The following PRKG1 variants were observed in gnomAD, a reference collection of about 807,000 sequenced individuals.
PRKG1 encodes the protein cGMP-dependent protein kinase 1.
Under a neutral mutation model 88.1 loss-of-function variants are expected in PRKG1, and 35 were observed. The ratio of observed to expected loss-of-function variants is 0.40; its 90% confidence interval spans 0.30 to 0.53. PRKG1 has a LOEUF of 0.53. PRKG1 is among the 20% of genes least tolerant of loss of function. The pLI, the probability that PRKG1 is intolerant of heterozygous loss-of-function variation, is 0.59. For synonymous variants in PRKG1, 303 were observed against 292.5 expected, an observed-to-expected ratio of 1.04 and a Z score of -0.37; for missense variants, 540 against 839.8, an observed-to-expected ratio of 0.64 and a Z score of 4.41.
At chr10:51,201,202 T>C (rs1256965564) in intron 2 of PRKG1, among the ~76,000 whole-genome samples, 1 of 152,210 alleles carries the variant, frequency 6.6e-6, no homozygotes, top group African/African-American at 2.4e-5. Context: ...GGCTCATGCC[T>C]GTAATCCCAG....
intron 4 of PRKG1, among the ~76,000 whole-genome samples, chr10:51,819,363 C>A (rs370489321): frequency 2.6e-5 from 4 of 152,138 alleles, no homozygotes; most frequent in Admixed American, 6.5e-5. Flanking sequence ...ACTCCCATAA[C>A]CCAAATACCT....
chr10:52,118,996 G>T (rs1847753202), intron 7 of PRKG1, among the ~76,000 whole-genome samples: 1 of 151,414 alleles, frequency 6.6e-6, no homozygotes, highest in African/African-American at 2.4e-5. Context: ...ACATTTTCTT[G>T]ACTTTTTATT....
Position 52,282,325 on chromosome 10 carries a change from A to G in PRKG1, c.1709+9A>G. 6.3e-7 allele frequency: 1 copy of G among 1,580,374 alleles called. No individual in the cohort carries two copies. The highest frequency in any genetic ancestry group is 8.6e-7 in the Non-Finnish European group (1 of 1,160,604). On this transcript the variant is annotated intron_variant, in intron 14 of 17. Coordinates refer to ENST00000373980, the MANE Select transcript of PRKG1 (RefSeq NM_006258.4). The stretch of plus-strand genomic sequence containing the variant: ...GAACTCCTGACTGGCAGGTATGGAT[A>G]TTGATAGGGAACTGCTGATAAAAAT...
At chr10:51,466,932 C>A (rs1839921777) in intron 2 of PRKG1, among the ~76,000 whole-genome samples, 1 of 151,948 alleles carries the variant, frequency 6.6e-6, no homozygotes, top group Non-Finnish European at 1.5e-5. Flanking sequence ...ATTGTGTTGC[C>A]TTTTTATTTC....
intron 2 of PRKG1, among the ~76,000 whole-genome samples, chr10:51,360,294 T>A (rs532579017): frequency 1.3e-5 from 2 of 152,016 alleles, no homozygotes; most frequent in East Asian, 3.9e-4. Flanking sequence ...GCCTTCTGTG[T>A]TTATGACCTT....
intron 2 of PRKG1, among the ~76,000 whole-genome samples, chr10:51,289,554 T>A (rs1564431415): frequency 6.6e-6 from 1 of 152,082 alleles, no homozygotes; most frequent in Admixed American, 6.6e-5. Flanking sequence ...GAGATTGTAC[T>A]AGATGTATCA....
At chr10:51,434,905 T>G (rs928274619) in intron 2 of PRKG1, among the ~76,000 whole-genome samples, 19 of 152,116 alleles carry the variant, frequency 1.2e-4, no homozygotes, top group Non-Finnish European at 2.2e-4. Context: ...CTTATTTCCT[T>G]ACATGTAATA....
At chr10:51,201,657 G>T (rs1290303165) in intron 2 of PRKG1, among the ~76,000 whole-genome samples, 2 of 152,130 alleles carry the variant, frequency 1.3e-5, no homozygotes, top group African/African-American at 4.8e-5. Context: ...TGGGTCATGG[G>T]AGTGGAGCCC....
Position 51,876,603 on chromosome 10 carries a change from C to T in PRKG1, c.699-30904C>T, listed in dbSNP as rs576410392. 1.1e-4 allele frequency among the ~76,000 whole-genome samples: 16 copies of T among 152,268 alleles called. No individual in the cohort carries two copies. In the East Asian group the frequency reaches 2.5e-3, roughly 24 times the overall value. On this transcript the variant is annotated intron_variant, in intron 4 of 17. Coordinates refer to ENST00000373980, the MANE Select transcript of PRKG1 (RefSeq NM_006258.4). Reference sequence around the variant, plus strand: ...TTCATTCAGAATAGCCAGCCAGTTACGTTGTTCAGCAAACGTTGTCAGTGT... The same window carrying T: ...TTCATTCAGAATAGCCAGCCAGTTATGTTGTTCAGCAAACGTTGTCAGTGT...
chr10:51,594,459 A>G (rs1206057537), intron 3 of PRKG1, among the ~76,000 whole-genome samples: 1 of 152,232 alleles, frequency 6.6e-6, no homozygotes, highest in Non-Finnish European at 1.5e-5. Flanking sequence ...AATAAATGTT[A>G]TATTCAATAT....
intron 3 of PRKG1, chr10:51,697,846 C>T (rs1350403653): frequency 1.2e-6 from 2 of 1,613,988 alleles, no homozygotes; most frequent in Admixed American, 3.3e-5. Context: ...GTGGAGTGAC[C>T]TGGCTCTGCC....
At chr10:51,468,204 A>G (rs1839958056) in intron 3 of PRKG1, among the ~76,000 whole-genome samples, 1 of 151,870 alleles carries the variant, frequency 6.6e-6, no homozygotes, top group Non-Finnish European at 1.5e-5. Context: ...TTTGGGTTAT[A>G]TTCTTCACAT....
intron 2 of PRKG1, among the ~76,000 whole-genome samples, chr10:51,350,803 A>C (rs1182012303): frequency 6.6e-6 from 1 of 152,186 alleles, no homozygotes; most frequent in Admixed American, 6.5e-5. Flanking sequence ...TCTGGGATAC[A>C]TGTGCAGAAC....
intron 9 of PRKG1, among the ~76,000 whole-genome samples, chr10:52,229,682 T>G (rs1431322018): frequency 1.3e-5 from 2 of 152,176 alleles, no homozygotes; most frequent in African/African-American, 4.8e-5. Flanking sequence ...TGACTGTGGC[T>G]TAGAGCATAT....
At chr10:51,770,431 A>AC (rs1439081444) in intron 3 of PRKG1, among the ~76,000 whole-genome samples, 2 of 152,182 alleles carry the variant, frequency 1.3e-5, no homozygotes, top group Admixed American at 1.3e-4. Flanking sequence ...GTTGTTTGGA[A>AC]AGCTTAGCAC....
chr10:51,310,061 A>G (rs1451087071), intron 2 of PRKG1, among the ~76,000 whole-genome samples: 2 of 152,176 alleles, frequency 1.3e-5, no homozygotes, highest in Non-Finnish European at 2.9e-5. Context: ...ATGGGCATAG[A>G]GTGTAGAATA....
At chr10:51,051,972 C>T (rs1843567528) in intron 1 of PRKG1, among the ~76,000 whole-genome samples, 1 of 151,928 alleles carries the variant, frequency 6.6e-6, no homozygotes, top group Admixed American at 6.6e-5. Flanking sequence ...AAAATTGATA[C>T]TTAAAATGCA....
At chr10:51,391,643 G>A (rs1251713877) in intron 2 of PRKG1, among the ~76,000 whole-genome samples, 2 of 152,122 alleles carry the variant, frequency 1.3e-5, no homozygotes, top group African/African-American at 4.8e-5. Context: ...AAAGGATTAG[G>A]GCTCATCAGA....
intron 2 of PRKG1, among the ~76,000 whole-genome samples, chr10:51,339,166 C>A (rs1346051476): frequency 1.3e-5 from 2 of 152,152 alleles, no homozygotes; most frequent in Admixed American, 6.5e-5. Flanking sequence ...AATATAATTT[C>A]TTTGACCTTC....
Sources: allele counts gnomAD v4.1 joint callset (sites outside exome capture counted in the v4.1 genomes callset), GRCh38; gene constraint gnomAD v4.1.1; transcripts MANE v1.5; gene names NCBI Gene and HGNC (gene_info 2026-07-23, HGNC 2026-07-21).